Variants in SLC35D4 observed in about 807,000 individuals in gnomAD.
SLC35D4 encodes UDP-N-acetylglucosamine transporter SLC35D4.
At chr18:23,426,547 G>A in the SLC35D4 span, among the ~76,000 whole-genome samples, 3 of 152,122 alleles carry the variant, frequency 2.0e-5, no homozygotes, top group Non-Finnish European at 2.9e-5. Flanking sequence ...AATATTCCAC[G>A]CTCATGGATA....
the SLC35D4 span, among the ~76,000 whole-genome samples, chr18:23,265,544 T>C: frequency 1.4e-5 from 2 of 141,834 alleles, no homozygotes; most frequent in East Asian, 2.0e-4. Flanking sequence ...GTCAAAAATA[T>C]CACATGGCTC....
the SLC35D4 span, among the ~76,000 whole-genome samples, chr18:23,365,123 T>C: frequency 6.6e-6 from 1 of 152,120 alleles, no homozygotes; most frequent in South Asian, 2.1e-4. Flanking sequence ...GGTTACCCTT[T>C]GGGATGATTC....
At chr18:23,371,945 T>TGTTTTTTTTTTGTTTTTTTTTTG in the SLC35D4 span, among the ~76,000 whole-genome samples, 2 of 73,346 alleles carry the variant, frequency 2.7e-5, no homozygotes, top group Non-Finnish European at 5.2e-5. Context: ...GTTTTTTTTT[T>TGTTTTTTTTTTGTTTTTTTTTTG]TTTTTTTTGA....
At chr18:23,245,131 G>A in the SLC35D4 span, among the ~76,000 whole-genome samples, 351 of 152,248 alleles carry the variant, frequency 2.3e-3, 3 homozygotes, top group Middle Eastern at 0.017. Context: ...CATTGTTACC[G>A]TGGGCCAGGA....
the SLC35D4 span, among the ~76,000 whole-genome samples, chr18:23,270,193 A>G: frequency 6.6e-6 from 1 of 152,188 alleles, no homozygotes; most frequent in Non-Finnish European, 1.5e-5. Flanking sequence ...CAGATGCTCT[A>G]GCCATGGCTA....
the SLC35D4 span, among the ~76,000 whole-genome samples, chr18:23,264,501 C>T: frequency 9.9e-5 from 15 of 151,720 alleles, no homozygotes; most frequent in African/African-American, 1.7e-4. Context: ...TAGCTGGGAT[C>T]ACAGGCGCGC....
the SLC35D4 span, chr18:23,421,343 G>A: frequency 6.3e-7 from 1 of 1,595,230 alleles, no homozygotes; most frequent in Non-Finnish European, 8.6e-7. Context: ...AATCATGCAT[G>A]AGTCCAGCAT....
chr18:23,291,968 C>G, the SLC35D4 span, among the ~76,000 whole-genome samples: 95 of 152,274 alleles, frequency 6.2e-4, no homozygotes, highest in African/African-American at 2.2e-3. Context: ...TGACTGGCTT[C>G]CCCCAGAACA....
At chr18:23,309,577 G>T in the SLC35D4 span, 1 of 979,034 alleles carries the variant, frequency 1.0e-6, no homozygotes. Flanking sequence ...GAGATACACA[G>T]CCAACGCACA....
the SLC35D4 span, among the ~76,000 whole-genome samples, chr18:23,272,268 G>A: frequency 6.6e-6 from 1 of 152,122 alleles, no homozygotes; most frequent in African/African-American, 2.4e-5. Context: ...ACAGGTCCCT[G>A]TAGAGAGACC....
the SLC35D4 span, among the ~76,000 whole-genome samples, chr18:23,252,806 G>C: frequency 6.6e-6 from 1 of 152,246 alleles, no homozygotes; most frequent in Admixed American, 6.5e-5. Context: ...TCCCCTTCAG[G>C]CTCCTGGATT....
the SLC35D4 span, among the ~76,000 whole-genome samples, chr18:23,354,030 G>A: frequency 6.6e-6 from 1 of 152,186 alleles, no homozygotes; most frequent in Non-Finnish European, 1.5e-5. Flanking sequence ...GGACCAGCAA[G>A]GGCGCTGGCA....
At chr18:23,243,147 C>T in the SLC35D4 span, among the ~76,000 whole-genome samples, 1 of 151,984 alleles carries the variant, frequency 6.6e-6, no homozygotes, top group Admixed American at 6.5e-5. Context: ...GCACTTGTTA[C>T]CTGTCTGCAG....
chr18:23,349,552 A>T, the SLC35D4 span, among the ~76,000 whole-genome samples: 40 of 152,316 alleles, frequency 2.6e-4, no homozygotes, highest in African/African-American at 9.1e-4. Flanking sequence ...AATCACTTGA[A>T]CCCAGGCAGT....
chr18:23,338,319 C>T, the SLC35D4 span, among the ~76,000 whole-genome samples: 1 of 152,190 alleles, frequency 6.6e-6, no homozygotes, highest in Non-Finnish European at 1.5e-5. Flanking sequence ...ACTAAATTCA[C>T]TACCTAGAAC....
the SLC35D4 span, among the ~76,000 whole-genome samples, chr18:23,359,587 C>T: frequency 1.5e-4 from 23 of 152,056 alleles, no homozygotes; most frequent in East Asian, 3.9e-4. Context: ...TTACCACATT[C>T]GAGACTAACT....
chr18:23,418,164 T>C, the SLC35D4 span, among the ~76,000 whole-genome samples: 1 of 152,096 alleles, frequency 6.6e-6, no homozygotes, highest in Non-Finnish European at 1.5e-5. Context: ...TGCAAAATTG[T>C]GACTTAATAA....
At chr18:23,433,426 A>G in the SLC35D4 span, among the ~76,000 whole-genome samples, 1 of 152,202 alleles carries the variant, frequency 6.6e-6, no homozygotes, top group Non-Finnish European at 1.5e-5. Context: ...TATTTTACAG[A>G]TGCCAACCAC....
chr18:23,363,361 C>G, the SLC35D4 span, among the ~76,000 whole-genome samples: 1 of 140,898 alleles, frequency 7.1e-6, no homozygotes, highest in Non-Finnish European at 1.5e-5. Context: ...TTGACAAAAG[C>G]ACATTTTTTT....
Sources: gnomAD v4.1 joint callset for allele counts (sites outside exome capture counted in the v4.1 genomes callset) on GRCh38, gnomAD v4.1.1 for gene constraint, MANE v1.5 for transcripts, NCBI Gene and HGNC (gene_info 2026-07-23, HGNC 2026-07-21) for gene names.